BCAS3: variants seen among roughly 807,000 people sequenced by gnomAD.
BCAS3 encodes the protein BCAS4/BCAS3 fusion.
A neutral mutation model predicts 116.1 loss-of-function variants in BCAS3; 53 were observed. The ratio of observed to expected loss-of-function variants is 0.46; its 90% CI spans 0.37 to 0.57. The LOEUF (loss-of-function observed/expected upper bound fraction) is 0.57, where lower values mean the gene tolerates loss of function less well. Among genes scored for constraint, BCAS3 ranks in the 20% least tolerant of loss-of-function variants. The pLI, the probability that BCAS3 is intolerant of heterozygous loss-of-function variation, is 0.00. For missense variants in BCAS3, 917 were observed against 1,165.4 expected, an observed-to-expected ratio of 0.79 and a Z score of 3.10; for synonymous variants, 391 against 408.2, an observed-to-expected ratio of 0.96 and a Z score of 0.51.
Position 61,368,629 on chromosome 17 carries a change from C to T in BCAS3, c.2593+135C>T. On this transcript the variant is annotated intron_variant, in intron 23 of 23. Transcript: ENST00000407086. This position sits in a 1 kb window ranked among gnomAD's most constrained non-coding sequence, Gnocchi z 6.0. Reference sequence around the variant, plus strand: ...CTTTAGTTAGCACTCCAGTGGCTATCCGTCTGAGGAGCTCTGGTGTTGGGA... The same window carrying T: ...CTTTAGTTAGCACTCCAGTGGCTATTCGTCTGAGGAGCTCTGGTGTTGGGA... 1 of 1,041,544 alleles carries T rather than the reference C, an allele frequency of 9.6e-7. No individual in the cohort carries two copies. The highest frequency in any genetic ancestry group is 1.8e-5 in the South Asian group (1 of 54,876). The allele number at this position is 1,041,544 out of a possible 1,614,324, so 64.5% of individuals were successfully genotyped here. A position where few individuals can be genotyped will look rare whatever the true frequency, so the allele number is the denominator to read the frequency against.
Position 61,124,569 on chromosome 17 carries a change from GA to G in BCAS3, c.2425+40010del, listed in dbSNP as rs2075962143. Among the ~76,000 whole-genome samples the G allele has an allele frequency of 6.6e-6, 1 of 152,118 alleles. No individual in the cohort carries two copies. The highest frequency in any genetic ancestry group is 6.6e-5 in the Admixed American group (1 of 15,258). On this transcript the variant is annotated intron_variant, in intron 22 of 23. Coordinates refer to ENST00000407086, the MANE Select transcript of BCAS3 (RefSeq NM_017679.5). This position sits in a 1 kb window ranked among gnomAD's most constrained non-coding sequence, Gnocchi z 4.6. Reference sequence around the variant, plus strand: ...TTACATACCCTGTTATTGTTTAGGGGAAAAATGTGGAAGCATTTCTTGATAT... The same window carrying G: ...TTACATACCCTGTTATTGTTTAGGGGAAAATGTGGAAGCATTTCTTGATAT...
intron 14 of BCAS3, among the ~76,000 whole-genome samples, chr17:60,965,366 C>T (rs547510093): frequency 1.9e-4 from 29 of 151,336 alleles, no homozygotes; most frequent in Non-Finnish European, 2.5e-4. Context: ...GGATTATAGG[C>T]GCCCGCCACC....
At chr17:61,289,881 A>C (rs2052217992) in intron 22 of BCAS3, among the ~76,000 whole-genome samples, 1 of 152,202 alleles carries the variant, frequency 6.6e-6, no homozygotes, top group South Asian at 2.1e-4. Flanking sequence ...GAGAGGTATA[A>C]AGGTCTGTTC....
At chr17:61,374,374 T>G (rs1238674029) in intron 23 of BCAS3, among the ~76,000 whole-genome samples, 1 of 152,078 alleles carries the variant, frequency 6.6e-6, no homozygotes. Context: ...TTTCACCATG[T>G]TGGCCAGGCT....
chr17:60,914,699 T>G (rs568067857), intron 12 of BCAS3, among the ~76,000 whole-genome samples: 73 of 152,306 alleles, frequency 4.8e-4, no homozygotes, highest in Non-Finnish European at 8.1e-4. Flanking sequence ...CTCCTCCTCC[T>G]TAGCCTACCT....
chr17:61,343,252 G>T lies in BCAS3; in HGVS notation c.2426-25075G>T, dbSNP rs1412460230. Among the ~76,000 whole-genome samples the T allele has an allele frequency of 6.6e-6, 1 of 152,214 alleles. No homozygotes were observed. The highest frequency in any genetic ancestry group is 2.4e-5 in the African/African-American group (1 of 41,456). On this transcript the variant is annotated intron_variant, in intron 22 of 23. Transcript: ENST00000407086. The surrounding 1 kb of genome is among the most constrained non-coding windows in gnomAD (Gnocchi z 5.5). ...AAGGTGGGGAAGTGACGTTTCTAAAGGTGCCATGTGGAGGAGCAGAACAAG... is the reference window on the plus strand; with the variant it reads ...AAGGTGGGGAAGTGACGTTTCTAAATGTGCCATGTGGAGGAGCAGAACAAG...
At chr17:60,928,209 C>G (rs2059463160) in intron 13 of BCAS3, among the ~76,000 whole-genome samples, 1 of 152,116 alleles carries the variant, frequency 6.6e-6, no homozygotes, top group Non-Finnish European at 1.5e-5. Flanking sequence ...AAGGAAAACC[C>G]TTTGTGGAGG....
chr17:61,191,399 A>G (rs2080103620), intron 22 of BCAS3, among the ~76,000 whole-genome samples: 1 of 152,250 alleles, frequency 6.6e-6, no homozygotes. Flanking sequence ...TCAAAAGGAC[A>G]AAGTAATAAC....
intron 5 of BCAS3, among the ~76,000 whole-genome samples, chr17:60,713,349 C>A (rs1363258958): frequency 6.6e-6 from 1 of 152,080 alleles, no homozygotes; most frequent in Non-Finnish European, 1.5e-5. Context: ...CTGTCAGAAC[C>A]CTTCTGAAAC....
intron 21 of BCAS3, among the ~76,000 whole-genome samples, chr17:61,080,388 C>T (rs190208177): frequency 9.3e-4 from 142 of 152,248 alleles, no homozygotes; most frequent in African/African-American, 3.4e-3. Context: ...AGCAACATCT[C>T]ACAGACTCCT....
intron 1 of BCAS3, among the ~76,000 whole-genome samples, chr17:60,678,499 C>T (rs1282796129): frequency 6.6e-6 from 1 of 152,134 alleles, no homozygotes; most frequent in African/African-American, 2.4e-5. Flanking sequence ...ACTCCATGCT[C>T]TTAAAATCTC....
chr17:61,102,558 G>C (rs2074392742), intron 22 of BCAS3, among the ~76,000 whole-genome samples: 1 of 152,152 alleles, frequency 6.6e-6, no homozygotes, highest in Non-Finnish European at 1.5e-5. Context: ...CTTTGGCAGT[G>C]TCATCTGAAT....
At chr17:60,870,307 T>C (rs1427284831) in intron 8 of BCAS3, among the ~76,000 whole-genome samples, 2 of 152,164 alleles carry the variant, frequency 1.3e-5, no homozygotes, top group Non-Finnish European at 2.9e-5. Context: ...GTGTATGATA[T>C]GGCAGAAAGG....
At chr17:61,287,871 A>T (rs2051993314) in intron 22 of BCAS3, among the ~76,000 whole-genome samples, 1 of 152,232 alleles carries the variant, frequency 6.6e-6, no homozygotes, top group Admixed American at 6.5e-5. Context: ...TGTTCTAAGT[A>T]TTTTTGTTCA....
At position 61,084,089 on chromosome 17, in the gene BCAS3, A is replaced by G. The variant is rs556130147; in HGVS notation, c.2328-378A>G. Among the ~76,000 whole-genome samples the G allele has an allele frequency of 6.6e-5, 10 of 152,334 alleles. No homozygotes were observed. Among genetic ancestry groups the G allele is most frequent in the African/African-American group, 2.4e-4 (10 of 41,582 alleles). On this transcript the variant is annotated intron_variant, in intron 21 of 23. Transcript: ENST00000407086. The surrounding 1 kb of genome is among the most constrained non-coding windows in gnomAD (Gnocchi z 5.5). ...AGCTATGGTGATATTAGTGAATTTC[A>G]GGATTCTCAAAACTCTTCATGTGTG...
At chr17:60,872,882 C>T (rs1025716908) in intron 8 of BCAS3, among the ~76,000 whole-genome samples, 2 of 151,924 alleles carry the variant, frequency 1.3e-5, no homozygotes, top group East Asian at 1.9e-4. Context: ...TCCATTGACT[C>T]TTAATAATGG....
At chr17:61,135,428 A>T (rs1351215358) in intron 22 of BCAS3, among the ~76,000 whole-genome samples, 1 of 152,238 alleles carries the variant, frequency 6.6e-6, no homozygotes, top group Non-Finnish European at 1.5e-5. Context: ...TTTCATTGTA[A>T]GTATTACAAA....
At position 61,007,636 on chromosome 17, in the gene BCAS3, A is replaced by C. The variant is rs570425080; in HGVS notation, c.1487-8115A>C. 6.4e-4 allele frequency among the ~76,000 whole-genome samples: 97 copies of C among 151,924 alleles called. No individual in the cohort carries two copies. The highest frequency in any genetic ancestry group is 8.7e-4 in the Non-Finnish European group (59 of 67,946). The stretch of plus-strand genomic sequence containing the variant: ...TTTAATAAGCCCTAGGCAAAGCTCC[A>C]TGCAGGCTACTTTGTATGTAGTGGG... On this transcript the variant is annotated intron_variant, in intron 15 of 23. Coordinates refer to ENST00000407086, the MANE Select transcript of BCAS3 (RefSeq NM_017679.5). This position sits in a 1 kb window ranked among gnomAD's most constrained non-coding sequence, Gnocchi z 4.3.
chr17:61,175,093 C>A (rs2079060394), intron 22 of BCAS3, among the ~76,000 whole-genome samples: 1 of 152,132 alleles, frequency 6.6e-6, no homozygotes, highest in Non-Finnish European at 1.5e-5. Context: ...ATCCTGAGGT[C>A]TCAGTGTGTC....
Sources: allele counts gnomAD v4.1 joint callset (sites outside exome capture counted in the v4.1 genomes callset), GRCh38; gene constraint gnomAD v4.1.1; non-coding constraint Gnocchi (gnomAD v3.1); transcripts MANE v1.5; gene names NCBI Gene and HGNC (gene_info 2026-07-23, HGNC 2026-07-21).